Variants in BICC1 observed in about 807,000 individuals in gnomAD.
BICC1 encodes the protein BicC family RNA binding protein 1.
BICC1 carries 43 observed loss-of-function variants against 111.0 expected under a neutral mutation model. The ratio of observed to expected loss-of-function variants is 0.39; its 90% CI spans 0.30 to 0.50. BICC1 has a LOEUF of 0.50. Ranked by LOEUF, BICC1 falls within the 20% of genes least tolerant of loss-of-function variation. The pLI is 0.88. For synonymous variants in BICC1, 467 were observed against 434.4 expected (o/e 1.07, Z -0.93); for missense variants, 1,091 against 1,203.2 (o/e 0.91, Z 1.38).
Position 58,591,450 on chromosome 10 carries a change from T to G in BICC1, c.191-29405T>G, listed in dbSNP as rs1309798904. Among the ~76,000 whole-genome samples, 7 of 152,136 alleles carry G rather than the reference T, an allele frequency of 4.6e-5. No homozygotes were observed. The East Asian group carries it at 1.2e-3, about 25-fold the overall frequency. Reference sequence around the variant, plus strand: ...ATCAAGCGTCTGGCCTTCAAAGATGTGCCTTCTCTGTAACCTCACATGATG... The same window carrying G: ...ATCAAGCGTCTGGCCTTCAAAGATGGGCCTTCTCTGTAACCTCACATGATG... On this transcript the variant is annotated intron_variant, in intron 1 of 20. Coordinates refer to ENST00000373886, the MANE Select transcript of BICC1 (RefSeq NM_001080512.3).
chr10:58,551,888 AAGGAAC>A (rs1365786689), intron 1 of BICC1, among the ~76,000 whole-genome samples: 2 of 152,100 alleles, frequency 1.3e-5, no homozygotes, highest in Non-Finnish European at 2.9e-5. Context: ...TGTTTAGTGC[AAGGAAC>A]ACCATGCAAG....
intron 1 of BICC1, among the ~76,000 whole-genome samples, chr10:58,608,403 C>G (rs1184026131): frequency 1.3e-5 from 2 of 152,180 alleles, no homozygotes; most frequent in African/African-American, 4.8e-5. Flanking sequence ...ATTTCAAGTG[C>G]TCTGAGGCAT....
chr10:58,767,378 A>C (rs952687697), intron 3 of BICC1, among the ~76,000 whole-genome samples: 1 of 152,188 alleles, frequency 6.6e-6, no homozygotes, highest in African/African-American at 2.4e-5. Flanking sequence ...GAGTGCATTC[A>C]TAGAAAATAT....
chr10:58,532,676 G>T (rs1022719072), intron 1 of BICC1, among the ~76,000 whole-genome samples: 10 of 151,774 alleles, frequency 6.6e-5, no homozygotes, highest in Admixed American at 1.3e-4. Flanking sequence ...ATTCACAGAA[G>T]AAGCAATGGC....
chr10:58,517,222 A>C (rs922144248), intron 1 of BICC1, among the ~76,000 whole-genome samples: 10 of 152,166 alleles, frequency 6.6e-5, no homozygotes, highest in African/African-American at 2.4e-4. Flanking sequence ...ATTTTCATGA[A>C]AGGAGATTGA....
chr10:58,779,592 A>G (rs1412120771), intron 3 of BICC1, among the ~76,000 whole-genome samples: 2 of 152,214 alleles, frequency 1.3e-5, no homozygotes, highest in Non-Finnish European at 2.9e-5. Flanking sequence ...ATTTATACAG[A>G]AATACAGCAG....
At chr10:58,686,911 G>A (rs577526968) in intron 2 of BICC1, among the ~76,000 whole-genome samples, 7 of 152,264 alleles carry the variant, frequency 4.6e-5, no homozygotes, top group African/African-American at 1.4e-4. Context: ...TTGTTCCATT[G>A]CTGGCGAGGA....
intron 18 of BICC1, among the ~76,000 whole-genome samples, chr10:58,816,557 G>A (rs1844094982): frequency 6.6e-6 from 1 of 152,142 alleles, no homozygotes; most frequent in South Asian, 2.1e-4. Context: ...AGATTTGGCA[G>A]ACACATGGAT....
At chr10:58,749,440 C>T (rs1841925317) in intron 3 of BICC1, among the ~76,000 whole-genome samples, 1 of 152,092 alleles carries the variant, frequency 6.6e-6, no homozygotes, top group Admixed American at 6.6e-5. Flanking sequence ...CAGTCTGTCT[C>T]CTCCTTTGAG....
chr10:58,756,552 A>G (rs1479345107), intron 3 of BICC1, among the ~76,000 whole-genome samples: 3 of 146,564 alleles, frequency 2.0e-5, no homozygotes, highest in African/African-American at 7.8e-5. Context: ...TCCTGGTCCC[A>G]CCCTAAGGGT....
chr10:58,591,283 A>G (rs572905858), intron 1 of BICC1, among the ~76,000 whole-genome samples: 5 of 152,184 alleles, frequency 3.3e-5, no homozygotes, highest in African/African-American at 1.2e-4. Context: ...AGACGGAAAA[A>G]CAGATTCATG....
chr10:58,700,065 G>A (rs892711708), intron 2 of BICC1, among the ~76,000 whole-genome samples: 1 of 152,198 alleles, frequency 6.6e-6, no homozygotes, highest in Non-Finnish European at 1.5e-5. Context: ...TAAATCCGGG[G>A]CCTGCTGTAT....
chr10:58,676,810 A>C (rs1272749677), intron 2 of BICC1, among the ~76,000 whole-genome samples: 1 of 152,172 alleles, frequency 6.6e-6, no homozygotes. Context: ...TCTGGCTGGC[A>C]TCTGGCGGGT....
intron 1 of BICC1, among the ~76,000 whole-genome samples, chr10:58,574,137 G>A (rs966207791): frequency 6.6e-6 from 1 of 152,152 alleles, no homozygotes; most frequent in Non-Finnish European, 1.5e-5. Flanking sequence ...CCTGGGAGGA[G>A]GGTCAGAACC....
At chr10:58,693,034 C>T (rs1044895295) in intron 2 of BICC1, among the ~76,000 whole-genome samples, 5 of 152,064 alleles carry the variant, frequency 3.3e-5, no homozygotes, top group Non-Finnish European at 4.4e-5. Flanking sequence ...ACAACATTCC[C>T]GAAGTGTGAT....
In BICC1 at chr10:58,778,366, A is replaced by G. The variant is rs542998253; in HGVS notation, c.308-6635A>G. On this transcript the variant is annotated intron_variant, in intron 3 of 20. Transcript: ENST00000373886. ...ATACACGCATAATTTTTGACTCCCC[A>G]AAAACTTTATTAATAGCCTGCTATT... Among the ~76,000 whole-genome samples the G allele has an allele frequency of 1.8e-3, 277 of 152,316 alleles. 1 individual carries two copies. Among genetic ancestry groups the G allele is most frequent in the Admixed American group, 5.0e-3 (76 of 15,298 alleles).
At chr10:58,546,720 C>G (rs1401835390) in intron 1 of BICC1, among the ~76,000 whole-genome samples, 1 of 151,998 alleles carries the variant, frequency 6.6e-6, no homozygotes, top group East Asian at 1.9e-4. Context: ...AAGTAAAAAA[C>G]TTTTTTTAAA....
chr10:58,536,113 A>G (rs1270142645), intron 1 of BICC1, among the ~76,000 whole-genome samples: 1 of 151,750 alleles, frequency 6.6e-6, no homozygotes, highest in Non-Finnish European at 1.5e-5. Flanking sequence ...AGAGATAGAC[A>G]GAAACACAAT....
intron 2 of BICC1, among the ~76,000 whole-genome samples, chr10:58,638,792 A>G (rs1188340234): frequency 6.6e-6 from 1 of 152,182 alleles, no homozygotes; most frequent in Admixed American, 6.5e-5. Context: ...TTATTCGTCA[A>G]AGGAGGGGTA....
Sources: allele counts gnomAD v4.1 joint callset (sites outside exome capture counted in the v4.1 genomes callset), GRCh38; gene constraint gnomAD v4.1.1; transcripts MANE v1.5; gene names NCBI Gene and HGNC (gene_info 2026-07-23, HGNC 2026-07-21).